The following EGF variants were observed in gnomAD, a reference collection of about 807,000 sequenced individuals.
EGF encodes pro-epidermal growth factor.
EGF carries 95 observed loss-of-function variants against 143.8 expected under a neutral mutation model. The ratio of observed to expected loss-of-function variants is 0.66; its 90% CI spans 0.56 to 0.78. EGF has a LOEUF of 0.78. Among genes scored for constraint, EGF ranks in the 30% least tolerant of loss-of-function variants. EGF has a pLI of 0.00. For synonymous variants in EGF, 510 were observed against 510.5 expected, an observed-to-expected ratio of 1.00 and a Z score of 0.01; for missense variants, 1,320 against 1,470.9, an observed-to-expected ratio of 0.90 and a Z score of 1.68.
rs1745571973 is a variant in EGF, at chr4:109,960,874, T to C, written c.1074T>C (p.Asn358=). Residue 358 remains asparagine (N), a synonymous_variant, in exon 7 of 24, where the codon AAT becomes AAC. Coordinates refer to ENST00000265171, the MANE Select transcript of EGF (RefSeq NM_001963.6). ...SRDRKYCEDV[N]ECAFWNHGCT... Reference sequence around the variant, plus strand: ...GCTGTTGTCATTGTGCAGATGTTAATGAATGTGCTTTTTGGAATCATGGCT... The same window carrying C: ...GCTGTTGTCATTGTGCAGATGTTAACGAATGTGCTTTTTGGAATCATGGCT... 8 of 1,613,906 alleles carry C rather than the reference T, an allele frequency of 5.0e-6. No homozygotes were observed. Among genetic ancestry groups the C allele is most frequent in the African/African-American group, 1.3e-5 (1 of 75,004 alleles).
intron 1 of EGF, among the ~76,000 whole-genome samples, chr4:109,930,042 C>T (rs1739410409): frequency 6.6e-6 from 1 of 152,160 alleles, no homozygotes; most frequent in African/African-American, 2.4e-5. Flanking sequence ...AGGGGCTTCA[C>T]CGCTTTGCTG....
chr4:109,981,868 T>C (rs1021601070), intron 15 of EGF, among the ~76,000 whole-genome samples: 2 of 152,056 alleles, frequency 1.3e-5, no homozygotes, highest in Non-Finnish European at 2.9e-5. Flanking sequence ...GTGTAGTCAA[T>C]GGTCAAGAGT....
In EGF at chr4:109,914,465, G is replaced by A. The variant is rs1372648639; in HGVS notation, c.127+1003G>A. Among the ~76,000 whole-genome samples, 10 of 152,300 alleles carry A rather than the reference G, an allele frequency of 6.6e-5. 1 individual carries two copies. The East Asian group carries it at 1.9e-3, about 29-fold the overall frequency. ...GAATGGAGCCAAACTGCCAAAGCTA[G>A]GCTGCTGTCCTGGCTCTCCCATTAA... On this transcript the variant is annotated intron_variant, in intron 1 of 23. Coordinates refer to ENST00000265171, the MANE Select transcript of EGF (RefSeq NM_001963.6).
intron 1 of EGF, among the ~76,000 whole-genome samples, chr4:109,926,989 T>C (rs1738790469): frequency 6.6e-6 from 1 of 152,240 alleles, no homozygotes; most frequent in South Asian, 2.1e-4. Flanking sequence ...AACAGCTTTC[T>C]AAGCTATTTT....
intron 18 of EGF, among the ~76,000 whole-genome samples, chr4:109,990,801 C>G (rs1750824828): frequency 6.6e-6 from 1 of 152,156 alleles, no homozygotes; most frequent in African/African-American, 2.4e-5. Context: ...AGACAGAGAG[C>G]AAGAGAACGC....
rs183868425 is a variant in EGF at position 110,009,860 on chromosome 4, A to G, written c.3371-1342A>G. Among the ~76,000 whole-genome samples the G allele has an allele frequency of 2.6e-5, 4 of 152,374 alleles. 1 individual carries two copies. The highest frequency in any genetic ancestry group is 2.6e-4 in the Admixed American group (4 of 15,310). On this transcript the variant is annotated intron_variant, in intron 23 of 23. Transcript: ENST00000265171. ...ACCATCTTCACTGAGCTCAGCTGAC[A>G]TCAGTTGACACAGGTTAAGTGCAGA...
At chr4:109,931,857 ATTAGCCCTTAGAT>A (rs1312830473) in intron 1 of EGF, among the ~76,000 whole-genome samples, 4 of 152,234 alleles carry the variant, frequency 2.6e-5, no homozygotes, top group Non-Finnish European at 4.4e-5. Flanking sequence ...GTATGCTATG[ATTAGCCCTTAGAT>A]GGGCAAAATC....
chr4:109,980,190 G>C, intron 14 of EGF, 51 bp downstream of exon 14: 1 of 1,520,996 alleles, frequency 6.6e-7, no homozygotes, highest in African/African-American at 1.4e-5. Context: ...ATCTGCAACT[G>C]TTTTAATTGT....
intron 1 of EGF, among the ~76,000 whole-genome samples, chr4:109,926,977 C>T (rs1738787838): frequency 6.6e-6 from 1 of 152,186 alleles, no homozygotes; most frequent in African/African-American, 2.4e-5. Flanking sequence ...AAAACATTTA[C>T]AAACAGCTTT....
At chr4:109,987,723 C>A (rs370091018) in intron 16 of EGF, 21 bp from the exon 17 acceptor site, 1 of 1,588,222 alleles carries the variant, frequency 6.3e-7, no homozygotes, top group Admixed American at 1.7e-5. Context: ...AATAACTGCA[C>A]GGGATTCTTG....
intron 21 of EGF, among the ~76,000 whole-genome samples, chr4:110,002,834 C>T (rs1412262340): frequency 6.6e-6 from 1 of 152,050 alleles, no homozygotes; most frequent in Non-Finnish European, 1.5e-5. Flanking sequence ...CCTCAGGTAG[C>T]CCCCAGTGTC....
intron 4 of EGF, among the ~76,000 whole-genome samples, chr4:109,944,324 A>C (rs561059782): frequency 6.6e-6 from 1 of 152,146 alleles, no homozygotes; most frequent in Non-Finnish European, 1.5e-5. Flanking sequence ...CTGTAGTCCC[A>C]GCTATTCGGG....
intron 1 of EGF, among the ~76,000 whole-genome samples, chr4:109,920,346 T>C (rs1227891574): frequency 1.3e-5 from 2 of 151,652 alleles, no homozygotes; most frequent in African/African-American, 2.4e-5. Context: ...TCAATAACTA[T>C]CCTCAATAGC....
intron 11 of EGF, among the ~76,000 whole-genome samples, chr4:109,971,978 T>C (rs1747724594): frequency 6.6e-6 from 1 of 151,994 alleles, no homozygotes; most frequent in Non-Finnish European, 1.5e-5. Context: ...TAGTAAAGAA[T>C]CAAGAAGGTA....
chr4:109,949,487 T>G (rs557246124), intron 5 of EGF, among the ~76,000 whole-genome samples: 23 of 152,340 alleles, frequency 1.5e-4, no homozygotes, highest in African/African-American at 5.5e-4. Context: ...GAGTGGAATT[T>G]CTCAGAACTA....
intron 1 of EGF, among the ~76,000 whole-genome samples, chr4:109,937,050 G>T (rs1018189302): frequency 4.6e-5 from 7 of 152,102 alleles, no homozygotes; most frequent in African/African-American, 1.7e-4. Context: ...TGTCTATTAG[G>T]TCTGCTTGGT....
intron 5 of EGF, among the ~76,000 whole-genome samples, chr4:109,951,619 A>G (rs1743944435): frequency 6.6e-6 from 1 of 152,204 alleles, no homozygotes; most frequent in South Asian, 2.1e-4. Flanking sequence ...TCCTTATAAT[A>G]TCTCACTTAA....
chr4:109,987,031 G>A (rs900851262), intron 16 of EGF, among the ~76,000 whole-genome samples: 6 of 152,070 alleles, frequency 3.9e-5, no homozygotes, highest in African/African-American at 1.4e-4. Context: ...AGATCTACTT[G>A]CTAAATATTA....
intron 11 of EGF, among the ~76,000 whole-genome samples, chr4:109,969,882 A>G (rs1305374847): frequency 6.6e-6 from 1 of 152,194 alleles, no homozygotes; most frequent in African/African-American, 2.4e-5. Flanking sequence ...ATAGGGCCAC[A>G]CATAAATAAT....
Sources: allele counts gnomAD v4.1 joint callset (sites outside exome capture counted in the v4.1 genomes callset), GRCh38; gene constraint gnomAD v4.1.1; transcripts MANE v1.5; gene names NCBI Gene and HGNC (gene_info 2026-07-23, HGNC 2026-07-21).